GRID2: variants seen among roughly 807,000 people sequenced by gnomAD.
The protein encoded by GRID2 is glutamate receptor ionotropic, delta-2.
In GRID2, 33 loss-of-function variants were observed where a neutral mutation model predicts 114.8. The observed-to-expected ratio is 0.29, with a 90% confidence interval of 0.22 to 0.38. GRID2 has a LOEUF of 0.38. Ranked by LOEUF, GRID2 falls within the 10% of genes least tolerant of loss-of-function variation. The probability of loss-of-function intolerance (pLI) is 1.00; values close to 1 mark genes in which losing one functional copy is unlikely to be tolerated. For synonymous variants in GRID2, 505 were observed against 449.9 expected (o/e 1.12, Z -1.55); for missense variants, 1,184 against 1,257.7 (o/e 0.94, Z 0.89).
rs556483058 is a variant in GRID2 at position 92,422,122 on chromosome 4, C to A, written c.88+117378C>A. On this transcript the variant is annotated intron_variant, in intron 1 of 15. Coordinates refer to ENST00000282020, the MANE Select transcript of GRID2 (RefSeq NM_001510.4). ...ACTCATCTAAGGAAATGCAAATGAGCCTTAGAGACCTCAGTGATGTAATGT... is the reference window on the plus strand; with the variant it reads ...ACTCATCTAAGGAAATGCAAATGAGACTTAGAGACCTCAGTGATGTAATGT... Among the ~76,000 whole-genome samples the A allele has an allele frequency of 5.9e-5, 9 of 152,014 alleles. No individual in the cohort carries two copies. In the South Asian group the frequency reaches 1.9e-3, roughly 32 times the overall value.
intron 2 of GRID2, among the ~76,000 whole-genome samples, chr4:92,820,610 T>G (rs1356574903): frequency 6.6e-6 from 1 of 152,146 alleles, no homozygotes; most frequent in African/African-American, 2.4e-5. Context: ...GCTTAGAGAA[T>G]GTCAGAATCC....
At chr4:93,032,665 G>C (rs1288334436) in intron 2 of GRID2, among the ~76,000 whole-genome samples, 1 of 152,094 alleles carries the variant, frequency 6.6e-6, no homozygotes, top group East Asian at 1.9e-4. Context: ...TGTCTACTTT[G>C]TTTTTGCAGA....
chr4:93,636,083 A>G (rs1578452460), intron 14 of GRID2, among the ~76,000 whole-genome samples: 1 of 152,178 alleles, frequency 6.6e-6, no homozygotes, highest in African/African-American at 2.4e-5. Flanking sequence ...AAGATGCAAC[A>G]GTACCCTTAA....
chr4:92,977,451 A>G (rs1360503040), intron 2 of GRID2, among the ~76,000 whole-genome samples: 1 of 152,216 alleles, frequency 6.6e-6, no homozygotes, highest in Non-Finnish European at 1.5e-5. Context: ...TGATGGGGGC[A>G]TAGTAGAAGA....
intron 1 of GRID2, among the ~76,000 whole-genome samples, chr4:92,504,982 A>T (rs2149126693): frequency 1.3e-5 from 2 of 152,136 alleles, no homozygotes; most frequent in Middle Eastern, 6.8e-3. Context: ...GGGTCCAAAT[A>T]TTGCAAGAAA....
intron 12 of GRID2, among the ~76,000 whole-genome samples, chr4:93,501,496 A>G (rs1259323229): frequency 6.6e-6 from 1 of 152,044 alleles, no homozygotes; most frequent in Non-Finnish European, 1.5e-5. Flanking sequence ...CTTACTCTCT[A>G]TTGTTAGTGT....
intron 8 of GRID2, among the ~76,000 whole-genome samples, chr4:93,354,049 C>A (rs1761071570): frequency 6.6e-6 from 1 of 151,540 alleles, no homozygotes; most frequent in African/African-American, 2.4e-5. Context: ...ACACATATGC[C>A]AGACACTGTA....
intron 13 of GRID2, among the ~76,000 whole-genome samples, chr4:93,592,616 G>A (rs888735142): frequency 2.0e-5 from 3 of 152,048 alleles, no homozygotes; most frequent in African/African-American, 4.8e-5. Context: ...TATCCTTGTT[G>A]ACTTTCTGTC....
At chr4:92,829,316 G>T (rs1741941229) in intron 2 of GRID2, among the ~76,000 whole-genome samples, 1 of 151,900 alleles carries the variant, frequency 6.6e-6, no homozygotes. Flanking sequence ...CATTTATTGG[G>T]CCAACACACA....
At chr4:92,484,316 C>A (rs1455043344) in intron 1 of GRID2, among the ~76,000 whole-genome samples, 1 of 152,014 alleles carries the variant, frequency 6.6e-6, no homozygotes, top group Non-Finnish European at 1.5e-5. Context: ...TTCAGTAATT[C>A]CCTTGAAGAA....
chr4:92,714,431 G>T (rs985108092), intron 2 of GRID2, among the ~76,000 whole-genome samples: 15 of 152,268 alleles, frequency 9.9e-5, no homozygotes, highest in African/African-American at 2.9e-4. Context: ...CCATTCTGGG[G>T]TCTGGAGAAT....
chr4:93,251,684 C>A (rs553412786), intron 8 of GRID2, among the ~76,000 whole-genome samples: 1 of 152,242 alleles, frequency 6.6e-6, no homozygotes, highest in South Asian at 2.1e-4. Flanking sequence ...CACTTCCAGG[C>A]TCCAGTATGT....
At chr4:93,388,537 TGAATTCAAA>T (rs1764548413) in intron 8 of GRID2, among the ~76,000 whole-genome samples, 1 of 152,160 alleles carries the variant, frequency 6.6e-6, no homozygotes, top group South Asian at 2.1e-4. Flanking sequence ...TCATATGATT[TGAATTCAAA>T]GAATGAGAGG....
intron 2 of GRID2, among the ~76,000 whole-genome samples, chr4:92,795,179 C>G (rs1324005604): frequency 6.6e-6 from 1 of 151,546 alleles, no homozygotes; most frequent in South Asian, 2.1e-4. Context: ...TATGATTTGT[C>G]TGCAACCCCA....
intron 2 of GRID2, among the ~76,000 whole-genome samples, chr4:92,787,747 G>A (rs1739386888): frequency 6.6e-6 from 1 of 151,886 alleles, no homozygotes; most frequent in Non-Finnish European, 1.5e-5. Context: ...AATGAAGAAA[G>A]CAAAGTTAAA....
intron 2 of GRID2, among the ~76,000 whole-genome samples, chr4:93,060,496 A>G (rs1040175098): frequency 1.3e-5 from 2 of 152,262 alleles, no homozygotes; most frequent in East Asian, 1.9e-4. Flanking sequence ...AAATGCTAGT[A>G]TCAGCTTCTG....
At chr4:92,310,066 C>A (rs570575862) in intron 1 of GRID2, among the ~76,000 whole-genome samples, 1 of 151,894 alleles carries the variant, frequency 6.6e-6, no homozygotes, top group East Asian at 1.9e-4. Flanking sequence ...TTATGAATGA[C>A]CATATATGTT....
chr4:92,805,300 A>T (rs891608701), intron 2 of GRID2, among the ~76,000 whole-genome samples: 2 of 151,974 alleles, frequency 1.3e-5, no homozygotes, highest in Admixed American at 6.6e-5. Flanking sequence ...TAACATAAAT[A>T]AAATAAATGG....
At chr4:92,361,345 C>G (rs1239427943) in intron 1 of GRID2, among the ~76,000 whole-genome samples, 1 of 151,774 alleles carries the variant, frequency 6.6e-6, no homozygotes, top group African/African-American at 2.4e-5. Context: ...TTAAATAACT[C>G]TACGTGAAGA....
Sources: gnomAD v4.1 joint callset for allele counts (sites outside exome capture counted in the v4.1 genomes callset) on GRCh38, gnomAD v4.1.1 for gene constraint, MANE v1.5 for transcripts, NCBI Gene and HGNC (gene_info 2026-07-23, HGNC 2026-07-21) for gene names.